CREB1: variants seen among roughly 807,000 people sequenced by gnomAD.
CREB1 encodes cAMP responsive element binding protein 1.
A neutral mutation model predicts 42.0 loss-of-function variants in CREB1; 2 were observed. The observed-to-expected ratio is 0.05, with a 90% CI of 0.02 to 0.15. The LOEUF is 0.15. Among genes scored for constraint, CREB1 ranks in the 10% least tolerant of loss-of-function variants. CREB1 has a pLI of 1.00. For synonymous variants in CREB1, 123 were observed against 139.9 expected, an observed-to-expected ratio of 0.88 and a Z score of 0.85; for missense variants, 199 against 388.9, an observed-to-expected ratio of 0.51 and a Z score of 4.11.
chr2:207,578,287 G>A (rs2709388), intron 7 of CREB1, among the ~76,000 whole-genome samples: 23,720 of 152,020 alleles, frequency 0.16, 2,039 homozygotes, highest in Middle Eastern at 0.2. Context: ...TGATTTTGCC[G>A]TCAAAAACAA....
intron 1 of CREB1, among the ~76,000 whole-genome samples, chr2:207,542,385 G>A (rs763487043): frequency 4.6e-5 from 7 of 152,116 alleles, no homozygotes; most frequent in Non-Finnish European, 7.4e-5. Flanking sequence ...CAAAGAGGTA[G>A]CTCAGTTTGG....
intron 3 of CREB1, among the ~76,000 whole-genome samples, chr2:207,564,222 A>G (rs751611512): frequency 6.6e-5 from 10 of 152,152 alleles, no homozygotes; most frequent in African/African-American, 1.9e-4. Flanking sequence ...TCTTGATCCA[A>G]TGAGTAAAAC....
At chr2:207,572,776 A>G (rs1373037317) in intron 5 of CREB1, among the ~76,000 whole-genome samples, 1 of 151,816 alleles carries the variant, frequency 6.6e-6, no homozygotes, top group Non-Finnish European at 1.5e-5. Flanking sequence ...AGATAGCGCC[A>G]CTGCATTCCA....
chr2:207,593,908 A>G (rs888334097), intron 7 of CREB1, among the ~76,000 whole-genome samples: 2 of 151,940 alleles, frequency 1.3e-5, no homozygotes, highest in African/African-American at 4.8e-5. Context: ...TAGTAGAGAC[A>G]GAGTTTCGCC....
At chr2:207,576,241 C>CTTTTTTTTTTTTTTTTTTTTGTT (rs35735523) in intron 6 of CREB1, among the ~76,000 whole-genome samples, 18 of 101,056 alleles carry the variant, frequency 1.8e-4, no homozygotes, top group African/African-American at 6.1e-4. Context: ...CTTTTTTTGG[C>CTTTTTTTTTTTTTTTTTTTTGTT]TTTTTTTTTT....
chr2:207,590,002 T>C (rs1435769202), intron 7 of CREB1, among the ~76,000 whole-genome samples: 1 of 151,926 alleles, frequency 6.6e-6, no homozygotes, highest in Non-Finnish European at 1.5e-5. Context: ...GAGATTATAA[T>C]ATTTGTATTA....
rs959729858 is a variant in CREB1, at chr2:207,575,554, C to G, written c.688+100C>G. ...AAGTATCATATTGCAAACCACCATT[C>G]AAATGTAGTTAACATTTCTTCAATA... On this transcript the variant is annotated intron_variant, in intron 6 of 7. Transcript: ENST00000353267. 12 of 994,498 alleles carry G rather than the reference C, an allele frequency of 1.2e-5. No homozygotes were observed. In the African/African-American group the frequency reaches 1.9e-4, roughly 16 times the overall value. 61.6% of individuals were successfully genotyped at this position (994,498 alleles called of 1,614,324 possible).
At chr2:207,590,777 A>G (rs930462466) in intron 7 of CREB1, among the ~76,000 whole-genome samples, 1 of 152,192 alleles carries the variant, frequency 6.6e-6, no homozygotes, top group African/African-American at 2.4e-5. Flanking sequence ...AACTTTATTT[A>G]CAAAAACAAG....
At chr2:207,556,856 G>A (rs554246244) in intron 2 of CREB1, among the ~76,000 whole-genome samples, 73 of 152,320 alleles carry the variant, frequency 4.8e-4, no homozygotes, top group African/African-American at 1.3e-3. Flanking sequence ...ACAATGCTAG[G>A]CCGGGCGCTG....
chr2:207,583,550 T>C (rs1346338826), intron 7 of CREB1, among the ~76,000 whole-genome samples: 2 of 152,254 alleles, frequency 1.3e-5, no homozygotes, highest in Non-Finnish European at 2.9e-5. Context: ...TGCTGTTTTC[T>C]AAAGTTACTT....
intron 7 of CREB1, among the ~76,000 whole-genome samples, chr2:207,589,232 C>T (rs2106636525): frequency 6.6e-6 from 1 of 152,316 alleles, no homozygotes; most frequent in East Asian, 1.9e-4. Context: ...GACTGCATTC[C>T]TTCCTGGAGG....
At chr2:207,567,677 T>G in intron 4 of CREB1, 114 bp downstream of exon 4, 1 of 582,722 alleles carries the variant, frequency 1.7e-6, no homozygotes, top group South Asian at 2.6e-5. Context: ...TAGATTACTT[T>G]TCTTCATCTT....
At chr2:207,553,159 C>T (rs937026970) in intron 1 of CREB1, among the ~76,000 whole-genome samples, 6 of 142,794 alleles carry the variant, frequency 4.2e-5, no homozygotes, top group Non-Finnish European at 7.5e-5. Flanking sequence ...ACTTCTGTCT[C>T]CTGGGTTCAA....
At chr2:207,559,427 C>T (rs187144886) in intron 2 of CREB1, among the ~76,000 whole-genome samples, 36 of 152,268 alleles carry the variant, frequency 2.4e-4, no homozygotes, top group African/African-American at 7.0e-4. Context: ...CCCATTCCTT[C>T]GCATACATAC....
chr2:207,602,741 TAAA>T lies in CREB1; in HGVS notation c.*5685_*5687del, dbSNP rs1039558877. 1 of 211,202 alleles carries T rather than the reference TAAA, an allele frequency of 4.7e-6. No individual in the cohort carries two copies. Among genetic ancestry groups the T allele is most frequent in the African/African-American group, 2.3e-5 (1 of 44,146 alleles). The allele number at this position is 211,202 out of a possible 1,614,324, so 13.1% of individuals were successfully genotyped here. ...GTGCCACTCCAATTTGTGTATGTAATAAAATTATTTATATTAAAAGTGGGAAAT... is the reference window on the plus strand; with the variant it reads ...GTGCCACTCCAATTTGTGTATGTAATATTATTTATATTAAAAGTGGGAAAT... On this transcript the variant is annotated 3_prime_UTR_variant, in exon 8 of 8. Transcript: ENST00000353267.
chr2:207,576,425 A>G (rs1374554563), intron 6 of CREB1, among the ~76,000 whole-genome samples: 1 of 152,028 alleles, frequency 6.6e-6, no homozygotes, highest in African/African-American at 2.4e-5. Flanking sequence ...ATAAATAATA[A>G]TGCATTTTGC....
At chr2:207,544,638 G>A (rs1007614215) in intron 1 of CREB1, among the ~76,000 whole-genome samples, 1 of 152,084 alleles carries the variant, frequency 6.6e-6, no homozygotes, top group African/African-American at 2.4e-5. Context: ...ATGGTGGTTT[G>A]CTGCACACAT....
At chr2:207,573,619 G>T (rs1574870962) in intron 5 of CREB1, among the ~76,000 whole-genome samples, 1 of 152,160 alleles carries the variant, frequency 6.6e-6, no homozygotes, top group Non-Finnish European at 1.5e-5. Flanking sequence ...TCCTGTGCTA[G>T]CTACTTGGGA....
chr2:207,581,999 G>A, intron 7 of CREB1: 1 of 700,192 alleles, frequency 1.4e-6, no homozygotes, highest in South Asian at 1.5e-5. Context: ...CAGAGGTATA[G>A]TGTGCCTTTC....
Sources: allele counts gnomAD v4.1 joint callset (sites outside exome capture counted in the v4.1 genomes callset), GRCh38; gene constraint gnomAD v4.1.1; transcripts MANE v1.5; gene names NCBI Gene and HGNC (gene_info 2026-07-23, HGNC 2026-07-21).